MACROD1: variants seen among roughly 807,000 people sequenced by gnomAD.
The protein encoded by MACROD1 is mono-ADP ribosylhydrolase 1.
A neutral mutation model predicts 41.4 loss-of-function variants in MACROD1; 31 were observed. That is an observed-to-expected ratio of 0.75 (90% CI 0.56 to 1.01). The LOEUF is 1.01. Ranked by LOEUF, MACROD1 falls within the 50% of genes least tolerant of loss-of-function variation. The probability of loss-of-function intolerance (pLI) is 0.00; values close to 1 mark genes in which losing one functional copy is unlikely to be tolerated. For synonymous variants in MACROD1, 252 were observed against 203.4 expected (o/e 1.24, Z -2.03); for missense variants, 473 against 460.0 (o/e 1.03, Z -0.26).
chr11:64,125,508 G>A (rs1168872132), intron 3 of MACROD1, among the ~76,000 whole-genome samples: 1 of 152,192 alleles, frequency 6.6e-6, no homozygotes, highest in Non-Finnish European at 1.5e-5. Context: ...CCCACTCATT[G>A]AGGATGGCCC....
chr11:64,142,979 G>T (rs532880577), intron 3 of MACROD1, among the ~76,000 whole-genome samples: 35 of 152,038 alleles, frequency 2.3e-4, no homozygotes, highest in African/African-American at 6.5e-4. Flanking sequence ...AGCTGGGAGG[G>T]GTGGCATGCC....
At chr11:64,158,762 G>C (rs1442390999) in intron 1 of MACROD1, among the ~76,000 whole-genome samples, 1 of 152,220 alleles carries the variant, frequency 6.6e-6, no homozygotes, top group African/African-American at 2.4e-5. Context: ...TACAGCGCCA[G>C]ATACCGACAA....
intron 3 of MACROD1, among the ~76,000 whole-genome samples, chr11:64,123,133 C>T (rs1354519310): frequency 2.6e-5 from 4 of 152,156 alleles, no homozygotes; most frequent in Non-Finnish European, 4.4e-5. Context: ...CAGGAGGGGC[C>T]GGGCGCAGGG....
At chr11:64,091,648 A>G (rs883798) in intron 3 of MACROD1, among the ~76,000 whole-genome samples, 37,799 of 152,128 alleles carry the variant, frequency 0.25, 5,139 homozygotes, top group South Asian at 0.34. Context: ...ACAGATAAGG[A>G]GACTGATGTT....
chr11:64,126,836 C>G (rs1460576530), intron 3 of MACROD1: 1 of 152,558 alleles, frequency 6.6e-6, no homozygotes, highest in African/African-American at 2.4e-5. Context: ...ACTTCCCACG[C>G]CCCCCAGCCT....
At chr11:64,134,199 A>C (rs1391585269) in intron 3 of MACROD1, among the ~76,000 whole-genome samples, 1 of 152,212 alleles carries the variant, frequency 6.6e-6, no homozygotes, top group Non-Finnish European at 1.5e-5. Context: ...AGGGGATTCC[A>C]AAGAAGCCAA....
chr11:64,116,857 C>T (rs1280952682), intron 3 of MACROD1: 7 of 1,612,440 alleles, frequency 4.3e-6, no homozygotes, highest in Non-Finnish European at 5.9e-6. Flanking sequence ...TCGGGGCTGC[C>T]GCACACGCTG....
intron 3 of MACROD1, among the ~76,000 whole-genome samples, chr11:64,078,496 C>T (rs990523460): frequency 9.9e-5 from 15 of 152,218 alleles, no homozygotes; most frequent in African/African-American, 2.9e-4. Flanking sequence ...TATTCCACCC[C>T]GGCCTCCCCT....
At chr11:64,124,510 C>A (rs1660222081) in intron 3 of MACROD1, among the ~76,000 whole-genome samples, 1 of 152,158 alleles carries the variant, frequency 6.6e-6, no homozygotes, top group Non-Finnish European at 1.5e-5. Flanking sequence ...CAGAAAGATT[C>A]TTTTTGCTCT....
At chr11:64,115,195 G>A (rs1439750256) in intron 3 of MACROD1, among the ~76,000 whole-genome samples, 4 of 152,152 alleles carry the variant, frequency 2.6e-5, no homozygotes, top group Non-Finnish European at 4.4e-5. Context: ...GAGACTGAAA[G>A]ATAATTTCTC....
chr11:64,067,325 G>C lies in MACROD1; in HGVS notation c.518-52044C>G, dbSNP rs534285638. 1.3e-3 allele frequency among the ~76,000 whole-genome samples: 191 copies of C among 152,298 alleles called. No homozygotes were observed. Among genetic ancestry groups the C allele is most frequent in the Non-Finnish European group, 2.3e-3 (156 of 68,018 alleles). Reference sequence around the variant, plus strand: ...TCCTCCCCACTGCTCAGCCTCTCCCGGAGGATGGTGAGGGGGGAATCCATT... The same window carrying C: ...TCCTCCCCACTGCTCAGCCTCTCCCCGAGGATGGTGAGGGGGGAATCCATT... On this transcript the variant is annotated intron_variant, in intron 3 of 10. Transcript: ENST00000255681. This position sits in a 1 kb window ranked among gnomAD's most constrained non-coding sequence, Gnocchi z 4.6.
chr11:64,012,101 G>A (rs137993130), intron 4 of MACROD1, among the ~76,000 whole-genome samples: 63 of 152,284 alleles, frequency 4.1e-4, no homozygotes, highest in Non-Finnish European at 1.5e-4. Flanking sequence ...GTTGGACTCC[G>A]GGCCCACTTC....
At chr11:64,014,924 C>G (rs1453599822) in intron 4 of MACROD1, among the ~76,000 whole-genome samples, 1 of 152,180 alleles carries the variant, frequency 6.6e-6, no homozygotes, top group Non-Finnish European at 1.5e-5. Context: ...GGTGGGGAAA[C>G]TGAGGCCAAA....
chr11:64,105,130 C>T (rs1210659542), intron 3 of MACROD1, among the ~76,000 whole-genome samples: 1 of 152,256 alleles, frequency 6.6e-6, no homozygotes, highest in African/African-American at 2.4e-5. Context: ...GTGAAAGATG[C>T]CCTGCGGATG....
At chr11:64,040,069 C>T (rs1943456062) in intron 3 of MACROD1, among the ~76,000 whole-genome samples, 1 of 152,236 alleles carries the variant, frequency 6.6e-6, no homozygotes, top group East Asian at 1.9e-4. Flanking sequence ...AATCATTGAG[C>T]ATTAGTTATT....
chr11:64,051,960 T>C (rs1943703817), intron 3 of MACROD1, among the ~76,000 whole-genome samples: 1 of 151,342 alleles, frequency 6.6e-6, no homozygotes, highest in African/African-American at 2.4e-5. Flanking sequence ...GACAGTGTTA[T>C]GTGTTTGTGC....
At chr11:64,156,434 G>A (rs1162921956) in intron 1 of MACROD1, among the ~76,000 whole-genome samples, 1 of 152,204 alleles carries the variant, frequency 6.6e-6, no homozygotes, top group Non-Finnish European at 1.5e-5. Flanking sequence ...GGGACTGGTG[G>A]GCTGGGACCC....
intron 3 of MACROD1, among the ~76,000 whole-genome samples, chr11:64,142,168 G>A (rs1190554299): frequency 1.3e-5 from 2 of 152,216 alleles, no homozygotes; most frequent in African/African-American, 4.8e-5. Context: ...CTTAGAGGGT[G>A]TCACTGATTC....
intron 3 of MACROD1, among the ~76,000 whole-genome samples, chr11:64,123,777 C>A (rs1945136275): frequency 6.6e-6 from 1 of 152,118 alleles, no homozygotes; most frequent in African/African-American, 2.4e-5. Flanking sequence ...GTCTCCAATC[C>A]ACTCCTTGTG....
Sources: allele counts gnomAD v4.1 joint callset (sites outside exome capture counted in the v4.1 genomes callset), GRCh38; gene constraint gnomAD v4.1.1; non-coding constraint Gnocchi (gnomAD v3.1); transcripts MANE v1.5; gene names NCBI Gene and HGNC (gene_info 2026-07-23, HGNC 2026-07-21).